MYO16: variants seen among roughly 807,000 people sequenced by gnomAD.
MYO16 encodes the protein myosin XVI, also known as unconventional myosin-XVI.
Under a neutral mutation model 205.3 loss-of-function variants are expected in MYO16, and 94 were observed. The ratio of observed to expected loss-of-function variants is 0.46; its 90% CI spans 0.39 to 0.54. The LOEUF is 0.54. Ranked by LOEUF, MYO16 falls within the 20% of genes least tolerant of loss-of-function variation. The pLI is 0.00. For synonymous variants in MYO16, 988 were observed against 954.0 expected (o/e 1.04, Z -0.66); for missense variants, 2,315 against 2,387.5 (o/e 0.97, Z 0.63).
At position 108,793,146 on chromosome 13, in the gene MYO16, C is replaced by T. The variant is rs184121305; in HGVS notation, c.617-370C>T. 1.6e-4 allele frequency among the ~76,000 whole-genome samples: 24 copies of T among 151,924 alleles called. No homozygotes were observed. The East Asian group carries it at 4.3e-3, about 27-fold the overall frequency. On this transcript the variant is annotated intron_variant, in intron 5 of 34. Transcript: ENST00000457511. ...AAAATACAAAAAAAAATTAGCCGGG[C>T]GCAGTGGCGGGCGCCTGTAGTCCCA... is the stretch of plus-strand genomic sequence containing the variant.
intron 2 of MYO16, among the ~76,000 whole-genome samples, chr13:108,700,844 T>C (rs1025620497): frequency 6.6e-6 from 1 of 152,156 alleles, no homozygotes; most frequent in African/African-American, 2.4e-5. Flanking sequence ...GCTATGCACA[T>C]GTTCAGAGCT....
intron 2 of MYO16, among the ~76,000 whole-genome samples, chr13:108,687,012 A>T (rs1394948154): frequency 6.6e-6 from 1 of 152,228 alleles, no homozygotes; most frequent in East Asian, 1.9e-4. Flanking sequence ...AAGAATAATT[A>T]TCAAGTTCAA....
chr13:108,760,590 T>C (rs1885573300), intron 4 of MYO16, among the ~76,000 whole-genome samples: 1 of 152,204 alleles, frequency 6.6e-6, no homozygotes, highest in Admixed American at 6.5e-5. Context: ...ATATAATCTT[T>C]GAAGTTTTAA....
At chr13:108,537,620 T>G in the MYO16 span, among the ~76,000 whole-genome samples, 1 of 152,158 alleles carries the variant, frequency 6.6e-6, no homozygotes, top group Admixed American at 6.6e-5. Context: ...ACACTAACAG[T>G]GGGTAAGCAT....
At chr13:108,893,892 G>A (rs78355885) in intron 14 of MYO16, among the ~76,000 whole-genome samples, 1 of 152,120 alleles carries the variant, frequency 6.6e-6, no homozygotes, top group African/African-American at 2.4e-5. Context: ...GCCAAATAAT[G>A]TGTAGTAAAA....
chr13:108,943,305 G>T (rs7317470), intron 16 of MYO16, among the ~76,000 whole-genome samples: 26,118 of 152,116 alleles, frequency 0.17, 3,253 homozygotes, highest in African/African-American at 0.34. Context: ...ATATACAGTT[G>T]TTGCTGAAAT....
chr13:109,117,017 G>A (rs906690582), intron 28 of MYO16, among the ~76,000 whole-genome samples: 1 of 152,174 alleles, frequency 6.6e-6, no homozygotes. Flanking sequence ...CTTGATGGAG[G>A]TTGGAGATCT....
chr13:109,037,915 G>A (rs975786855), intron 23 of MYO16, among the ~76,000 whole-genome samples: 2 of 152,172 alleles, frequency 1.3e-5, no homozygotes, highest in African/African-American at 4.8e-5. Context: ...AGTTGGCCTT[G>A]GTTGCTGGAG....
intron 1 of MYO16, among the ~76,000 whole-genome samples, chr13:108,652,154 T>C (rs896451929): frequency 1.3e-4 from 20 of 151,102 alleles, no homozygotes; most frequent in South Asian, 4.3e-4. Flanking sequence ...TGTGTGTGTG[T>C]GCGCGCGCGC....
At chr13:109,031,194 C>T (rs1194683777) in intron 23 of MYO16, among the ~76,000 whole-genome samples, 5 of 152,066 alleles carry the variant, frequency 3.3e-5, no homozygotes, top group East Asian at 1.9e-4. Context: ...CAGATTCAAG[C>T]GATTCTTCAG....
chr13:108,996,668 A>T (rs1885012422), intron 21 of MYO16, among the ~76,000 whole-genome samples: 1 of 152,170 alleles, frequency 6.6e-6, no homozygotes, highest in South Asian at 2.1e-4. Context: ...GTACTTACTG[A>T]TGATTGTTGA....
At chr13:109,194,828 TTC>T (rs1880079446) in intron 34 of MYO16, among the ~76,000 whole-genome samples, 1 of 152,166 alleles carries the variant, frequency 6.6e-6, no homozygotes, top group Non-Finnish European at 1.5e-5. Context: ...ACAGATTTTT[TTC>T]TCTCTAAAGA....
intron 9 of MYO16, among the ~76,000 whole-genome samples, chr13:108,833,638 C>A (rs1369922623): frequency 6.6e-6 from 1 of 152,020 alleles, no homozygotes; most frequent in African/African-American, 2.4e-5. Context: ...ATAATTGTTG[C>A]CTTTGTTAGT....
chr13:109,000,936 A>G (rs573188677), intron 21 of MYO16, among the ~76,000 whole-genome samples: 1 of 152,224 alleles, frequency 6.6e-6, no homozygotes, highest in Non-Finnish European at 1.5e-5. Context: ...AAAGGAGAAT[A>G]TAGTCATGAA....
chr13:108,613,662 A>G (rs985658542), intron 1 of MYO16, among the ~76,000 whole-genome samples: 2 of 152,180 alleles, frequency 1.3e-5, no homozygotes, highest in Admixed American at 6.6e-5. Flanking sequence ...CACTATGACC[A>G]AGTTGGACTT....
intron 27 of MYO16, among the ~76,000 whole-genome samples, chr13:109,091,059 C>T (rs1037733019): frequency 6.6e-6 from 1 of 152,172 alleles, no homozygotes; most frequent in Non-Finnish European, 1.5e-5. Context: ...GCTTGAAAAT[C>T]ACCCTTCCGC....
At chr13:108,607,526 C>A (rs1284532070) in intron 1 of MYO16, among the ~76,000 whole-genome samples, 1 of 152,122 alleles carries the variant, frequency 6.6e-6, no homozygotes. Flanking sequence ...GTTTCCTTCC[C>A]CTTCTGCCAT....
chr13:108,649,390 C>T (rs568533199), intron 1 of MYO16, among the ~76,000 whole-genome samples: 1 of 152,224 alleles, frequency 6.6e-6, no homozygotes, highest in South Asian at 2.1e-4. Flanking sequence ...TTGACTTGGA[C>T]AATGTTTCTA....
At chr13:109,054,905 T>C (rs1021407868) in intron 25 of MYO16, 141 bp from the exon 26 acceptor site, 3 of 555,078 alleles carry the variant, frequency 5.4e-6, no homozygotes, top group African/African-American at 2.0e-5. Context: ...TCTTCCTCCT[T>C]CTTTTCTTCT....
Sources: allele counts gnomAD v4.1 joint callset (sites outside exome capture counted in the v4.1 genomes callset), GRCh38; gene constraint gnomAD v4.1.1; transcripts MANE v1.5; gene names NCBI Gene and HGNC (gene_info 2026-07-23, HGNC 2026-07-21).